Variants in TBCB observed in about 807,000 individuals in gnomAD.
TBCB encodes the protein tubulin-folding cofactor B.
In TBCB, 18 loss-of-function variants were observed where a neutral mutation model predicts 29.2. That is an observed-to-expected ratio of 0.62 (90% CI 0.43 to 0.91). The LOEUF is 0.91. Ranked by LOEUF, TBCB falls within the 40% of genes least tolerant of loss-of-function variation. TBCB has a pLI of 0.00. For missense variants in TBCB, 336 were observed against 337.6 expected (o/e 1.00, Z 0.04); for synonymous variants, 172 against 137.8 (o/e 1.25, Z -1.74).
intron 4 of TBCB, among the ~76,000 whole-genome samples, chr19:36,124,489 T>C (rs1019712754): frequency 5.3e-5 from 8 of 152,082 alleles, no homozygotes; most frequent in Admixed American, 5.2e-4. Context: ...TCTCCCAAAG[T>C]GCTAGGATTA....
chr19:36,115,112 G>C (rs1973921634), upstream of TBCB: 1 of 578,080 alleles, frequency 1.7e-6, no homozygotes, highest in Non-Finnish European at 3.1e-6. Flanking sequence ...TATGGATCTG[G>C]TGCCAGAGCC....
chr19:36,121,465 G>A, intron 3 of TBCB, 62 bp from the exon 4 acceptor site: 1 of 1,498,924 alleles, frequency 6.7e-7, no homozygotes, highest in Non-Finnish European at 8.9e-7. Flanking sequence ...CCTCGTGGGT[G>A]GAGCGTCATC....
At chr19:36,120,080 C>T (rs1436527109) in intron 2 of TBCB, among the ~76,000 whole-genome samples, 1 of 152,154 alleles carries the variant, frequency 6.6e-6, no homozygotes, top group East Asian at 1.9e-4. Flanking sequence ...TTTTGGGAAG[C>T]CTACCCTCCC....
chr19:36,124,539 G>C (rs554351170), intron 4 of TBCB, among the ~76,000 whole-genome samples: 10 of 151,594 alleles, frequency 6.6e-5, no homozygotes, highest in African/African-American at 2.4e-4. Flanking sequence ...GTCGGGGTTT[G>C]GTTTTGTTTT....
chr19:36,125,511 A>G lies in TBCB; in HGVS notation c.608A>G (p.Lys203Arg). 1.9e-6 allele frequency: 3 copies of G among 1,614,234 alleles called. No homozygotes were observed. In the South Asian group the frequency reaches 3.3e-5, roughly 18 times the overall value. The change falls in exon 5 of 6, where the codon AAA (lysine) becomes AGA (arginine). Residue 203 changes from lysine to arginine, a missense_variant. Lys to Arg is a conservative substitution (Grantham distance 26). Coordinates refer to ENST00000221855, the MANE Select transcript of TBCB (RefSeq NM_001281.3). ...IGVRYDEPLG[K>R]NDGSVNGKRY... ...GTCCGCTATGATGAGCCACTGGGGAAAAATGATGGCAGGTAACAAGAATTC... is the reference window on the plus strand; with the variant it reads ...GTCCGCTATGATGAGCCACTGGGGAGAAATGATGGCAGGTAACAAGAATTC...
chr19:36,121,240 G>A (rs994063164), intron 3 of TBCB, among the ~76,000 whole-genome samples: 2 of 151,966 alleles, frequency 1.3e-5, no homozygotes, highest in East Asian at 3.9e-4. Context: ...GGAGGGCGGA[G>A]GAGGAAGGCG....
Position 36,115,684 on chromosome 19 carries a change from TG to T in TBCB, c.114+15del. 1.4e-6 allele frequency: 1 copy of T among 720,154 alleles called. No homozygotes were observed. The highest frequency in any genetic ancestry group is 1.8e-6 in the Non-Finnish European group (1 of 564,944). 44.6% of individuals were successfully genotyped at this position (720,154 alleles called of 1,614,324 possible). On this transcript the variant is annotated intron_variant, in intron 1 of 5. Coordinates refer to ENST00000221855, the MANE Select transcript of TBCB (RefSeq NM_001281.3). Reference sequence around the variant, plus strand: ...CATCGCTGAGTTCAAGGTGTGGCCATGGGGGCGGGGTCCGGAGGGGCGGGGC... The same window carrying T: ...CATCGCTGAGTTCAAGGTGTGGCCATGGGGCGGGGTCCGGAGGGGCGGGGC...
intron 4 of TBCB, among the ~76,000 whole-genome samples, chr19:36,122,871 A>G (rs996911919): frequency 3.3e-5 from 5 of 151,992 alleles, no homozygotes; most frequent in Admixed American, 6.6e-5. Flanking sequence ...AATTGTGAAC[A>G]TCGTACCCAA....
intron 2 of TBCB, 194 bp downstream of exon 2, chr19:36,116,378 A>G: frequency 1.6e-6 from 1 of 643,958 alleles, no homozygotes; most frequent in South Asian, 2.8e-5. Flanking sequence ...GGATCAGGAA[A>G]TCCCAGGGGA....
chr19:36,119,222 A>G (rs1392225842), intron 2 of TBCB, among the ~76,000 whole-genome samples: 2 of 152,188 alleles, frequency 1.3e-5, no homozygotes, highest in South Asian at 4.1e-4. Context: ...TTCATTGTTT[A>G]AAATAACAGA....
rs1973949371 is a variant in TBCB at position 36,116,140 on chromosome 19, G to A, written c.214G>A (p.Ala72Thr). 6.2e-7 allele frequency: 1 copy of A among 1,614,074 alleles called. No individual in the cohort carries two copies. The highest frequency in any genetic ancestry group is 1.3e-5 in the African/African-American group (1 of 74,916). ...KFYSKLDQED[A>T]LLGSYPVDDG... ...CTACAGCAAGCTGGATCAAGAGGAT[G>A]CGCTCCTGGGCTCCTACCCTGTAGA... is the stretch of plus-strand genomic sequence containing the variant. Residue 72 changes from alanine (A) to threonine (T), a missense_variant, in exon 2 of 6, where the codon GCG becomes ACG. Transcript: ENST00000221855.
intron 4 of TBCB, among the ~76,000 whole-genome samples, chr19:36,123,744 G>T (rs1011391313): frequency 5.3e-5 from 8 of 152,244 alleles, no homozygotes; most frequent in Non-Finnish European, 1.0e-4. Flanking sequence ...GCGTGGTGGC[G>T]GGTGCCTGTG....
intron 2 of TBCB, chr19:36,120,419 C>T (rs959344866): frequency 1.8e-5 from 8 of 436,642 alleles, no homozygotes; most frequent in Non-Finnish European, 3.0e-5. Context: ...TGAGCTCTGC[C>T]GGTTGGACTC....
intron 4 of TBCB, among the ~76,000 whole-genome samples, 173 bp from the exon 5 acceptor site, chr19:36,125,278 C>G (rs1200076304): frequency 6.6e-6 from 1 of 152,192 alleles, no homozygotes; most frequent in Non-Finnish European, 1.5e-5. Context: ...CCATATTAGT[C>G]CCGGCAGGAG....
At chr19:36,121,062 A>G (rs1974040359) in intron 3 of TBCB, among the ~76,000 whole-genome samples, 2 of 23,176 alleles carry the variant, frequency 8.6e-5, no homozygotes, top group African/African-American at 1.8e-4. Flanking sequence ...GAGGGAGTTG[A>G]GGGGTAGGTG....
At position 36,116,066 on chromosome 19, in the gene TBCB, G is replaced by A; in HGVS notation, c.140G>A (p.Ser47Asn). The change falls in exon 2 of 6, where the codon AGC becomes AAC. Residue 47 changes from serine (S) to asparagine (N), a missense_variant. Transcript: ENST00000221855. The part of the protein sequence containing the change: ...FKCKLELLVG[S>N]PASCMELELY... ...TGTAAACTGGAGTTGCTGGTGGGCA[G>A]CCCTGCTTCCTGCATGGAACTGGAG... 6.2e-7 allele frequency: 1 copy of A among 1,614,158 alleles called. No individual in the cohort carries two copies. Among genetic ancestry groups the A allele is most frequent in the Non-Finnish European group, 8.5e-7 (1 of 1,180,030 alleles).
intron 2 of TBCB, chr19:36,118,041 C>A: frequency 6.6e-6 from 1 of 152,402 alleles, no homozygotes; most frequent in Non-Finnish European, 1.5e-5. Flanking sequence ...GCTGGGATTA[C>A]AGGCATGAGC....
chr19:36,124,873 A>T (rs1407999804), intron 4 of TBCB, among the ~76,000 whole-genome samples: 1 of 152,008 alleles, frequency 6.6e-6, no homozygotes, highest in Non-Finnish European at 1.5e-5. Context: ...GTGTGTGTTC[A>T]TGTCCTTTGG....
At chr19:36,115,875 A>G (rs1041727986) in intron 1 of TBCB, 166 bp from the exon 2 acceptor site, 1 of 1,190,608 alleles carries the variant, frequency 8.4e-7, no homozygotes, top group African/African-American at 1.5e-5. Flanking sequence ...TCCAGCGAAA[A>G]ATCCGACGGT....
Sources: allele counts gnomAD v4.1 joint callset (sites outside exome capture counted in the v4.1 genomes callset), GRCh38; gene constraint gnomAD v4.1.1; transcripts MANE v1.5; gene names NCBI Gene and HGNC (gene_info 2026-07-23, HGNC 2026-07-21).